Variants in AKAP19 observed in about 807,000 individuals in gnomAD.
The protein encoded by AKAP19 is A-kinase anchoring protein 19, also known as small A-kinase anchoring protein.
At chr2:189,953,956 A>G in the AKAP19 span, among the ~76,000 whole-genome samples, 4 of 152,210 alleles carry the variant, frequency 2.6e-5, no homozygotes, top group Non-Finnish European at 5.9e-5. Flanking sequence ...ACATGAAAAC[A>G]TTGTCAGAGA....
chr2:189,896,049 G>A, the AKAP19 span, among the ~76,000 whole-genome samples: 7 of 150,774 alleles, frequency 4.6e-5, no homozygotes, highest in Admixed American at 1.3e-4. Flanking sequence ...TTTCATTTAT[G>A]TATGTTTTAG....
the AKAP19 span, among the ~76,000 whole-genome samples, chr2:189,981,273 CTT>C: frequency 0.61 from 79,346 of 129,206 alleles, 24,756 homozygotes; most frequent in South Asian, 0.75. Context: ...CCTTCTTTGT[CTT>C]TTTTTTTTTT....
At chr2:190,065,723 T>A in the AKAP19 span, among the ~76,000 whole-genome samples, 1 of 152,208 alleles carries the variant, frequency 6.6e-6, no homozygotes, top group African/African-American at 2.4e-5. Context: ...AATAGTTCAA[T>A]ATTTGCTAAC....
At chr2:189,880,014 G>A in the AKAP19 span, among the ~76,000 whole-genome samples, 3 of 152,118 alleles carry the variant, frequency 2.0e-5, no homozygotes, top group Admixed American at 6.6e-5. Context: ...TTAACTTATC[G>A]AAAAATGTTA....
chr2:190,077,399 A>G, the AKAP19 span, among the ~76,000 whole-genome samples: 7 of 151,926 alleles, frequency 4.6e-5, no homozygotes, highest in African/African-American at 1.7e-4. Context: ...TTATTTACAG[A>G]CAGGGTTTAG....
the AKAP19 span, among the ~76,000 whole-genome samples, chr2:190,115,420 C>T: frequency 1.1e-4 from 14 of 129,366 alleles, no homozygotes; most frequent in South Asian, 1.1e-3. Context: ...CCCGGGTTCA[C>T]GCCATTCTCC....
chr2:189,982,616 C>T, the AKAP19 span, among the ~76,000 whole-genome samples: 8 of 149,982 alleles, frequency 5.3e-5, no homozygotes, highest in Non-Finnish European at 7.4e-5. Flanking sequence ...TTCAAGGTTA[C>T]TGTTACTTCT....
At chr2:189,949,174 G>A in the AKAP19 span, among the ~76,000 whole-genome samples, 3 of 152,140 alleles carry the variant, frequency 2.0e-5, no homozygotes, top group Non-Finnish European at 2.9e-5. Flanking sequence ...AGTATCTGCG[G>A]GTTTCACATC....
chr2:190,116,611 A>G, the AKAP19 span, among the ~76,000 whole-genome samples: 1 of 152,172 alleles, frequency 6.6e-6, no homozygotes, highest in Admixed American at 6.5e-5. Context: ...TTTTCTGTCT[A>G]CATTGGGAGT....
At chr2:190,139,918 A>G in the AKAP19 span, among the ~76,000 whole-genome samples, 194 of 152,320 alleles carry the variant, frequency 1.3e-3, 1 homozygote, top group African/African-American at 4.5e-3. Context: ...CATCTGAGAC[A>G]AGGCAAGTCC....
At chr2:189,890,345 G>C in the AKAP19 span, among the ~76,000 whole-genome samples, 1 of 152,046 alleles carries the variant, frequency 6.6e-6, no homozygotes, top group East Asian at 1.9e-4. Flanking sequence ...CTAATTATGC[G>C]GTCAATTTTA....
the AKAP19 span, among the ~76,000 whole-genome samples, chr2:190,046,564 A>G: frequency 1.1e-4 from 16 of 152,154 alleles, no homozygotes; most frequent in Non-Finnish European, 1.8e-4. Flanking sequence ...CTTACATTTA[A>G]CTGAAATTTG....
At chr2:190,147,970 C>T in the AKAP19 span, among the ~76,000 whole-genome samples, 1 of 152,232 alleles carries the variant, frequency 6.6e-6, no homozygotes, top group East Asian at 1.9e-4. Context: ...AGTTTGACTT[C>T]CTCTTTACCA....
the AKAP19 span, among the ~76,000 whole-genome samples, chr2:190,043,913 T>A: frequency 2.0e-5 from 3 of 152,210 alleles, no homozygotes; most frequent in Non-Finnish European, 4.4e-5. Context: ...GCAGGATCTT[T>A]ATGTGAAGCT....
chr2:190,104,626 C>T, the AKAP19 span, among the ~76,000 whole-genome samples: 1 of 151,990 alleles, frequency 6.6e-6, no homozygotes, highest in Non-Finnish European at 1.5e-5. Context: ...CCCTTCTCAA[C>T]AAAAAATTCA....
chr2:190,074,637 G>A, the AKAP19 span, among the ~76,000 whole-genome samples: 2 of 109,456 alleles, frequency 1.8e-5, no homozygotes, highest in Admixed American at 1.1e-4. Flanking sequence ...TGGCAACAGA[G>A]AAAGACTTTG....
the AKAP19 span, among the ~76,000 whole-genome samples, chr2:189,895,739 T>C: frequency 6.6e-6 from 1 of 152,100 alleles, no homozygotes. Flanking sequence ...CTAAATGTTT[T>C]TGAATAGGAA....
chr2:190,190,761 T>A, the AKAP19 span, among the ~76,000 whole-genome samples: 1 of 152,228 alleles, frequency 6.6e-6, no homozygotes, highest in Non-Finnish European at 1.5e-5. Flanking sequence ...ATTGTGGTTT[T>A]AAAAAATACC....
the AKAP19 span, among the ~76,000 whole-genome samples, chr2:190,013,569 G>A: frequency 6.6e-6 from 1 of 152,032 alleles, no homozygotes; most frequent in Non-Finnish European, 1.5e-5. Context: ...AGGCTGGAGT[G>A]CAGCGGCGTG....
Sources: allele counts gnomAD v4.1 joint callset (sites outside exome capture counted in the v4.1 genomes callset), GRCh38; gene constraint gnomAD v4.1.1; transcripts MANE v1.5; gene names NCBI Gene and HGNC (gene_info 2026-07-23, HGNC 2026-07-21).